Variants in SPG7 observed in about 807,000 individuals in gnomAD.
SPG7 encodes mitochondrial inner membrane m-AAA protease component paraplegin.
Under a neutral mutation model 81.9 loss-of-function variants are expected in SPG7, and 103 were observed. The ratio of observed to expected loss-of-function variants is 1.26; its 90% CI spans 1.07 to 1.48. The LOEUF is 1.48. Among genes scored for constraint, SPG7 ranks in the 40% most tolerant of loss-of-function variants. The probability of loss-of-function intolerance (pLI) is 0.00; values close to 1 mark genes in which losing one functional copy is unlikely to be tolerated. For missense variants in SPG7, 1,241 were observed against 1,087.3 expected (o/e 1.14, Z -1.99); for synonymous variants, 534 against 444.2 (o/e 1.20, Z -2.54).
intron 13 of SPG7, 196 bp from the exon 14 acceptor site, chr16:89,552,783 C>T: frequency 1.6e-6 from 1 of 628,304 alleles, no homozygotes. Context: ...TGTGAACAGG[C>T]ACCTGTGGTG....
chr16:89,517,162 G>T (rs2058108939), intron 3 of SPG7: 1 of 152,382 alleles, frequency 6.6e-6, no homozygotes, highest in South Asian at 2.1e-4. Context: ...GAATTGTGTG[G>T]CCTGTGCGGA....
In SPG7 at chr16:89,544,801, C is replaced by T. The variant is rs771840269; in HGVS notation, c.1449+29C>T. On this transcript the variant is annotated intron_variant, in intron 10 of 16. Coordinates refer to ENST00000645818, the MANE Select transcript of SPG7 (RefSeq NM_003119.4). ...AGAGCCAGGATCCCAGCCTCTCCCA[C>T]TCCACCTGGGCCGCCCCCACTCGCT... 7.4e-6 allele frequency: 12 copies of T among 1,613,278 alleles called. No homozygotes were observed. The South Asian group carries it at 1.1e-4, about 15-fold the overall frequency.
At chr16:89,552,706 C>T (rs566785016) in intron 13 of SPG7, 107 of 479,568 alleles carry the variant, frequency 2.2e-4, no homozygotes, top group African/African-American at 2.0e-3. Flanking sequence ...CAGCTGTCTT[C>T]TACGGGCCTT....
intron 3 of SPG7, among the ~76,000 whole-genome samples, chr16:89,513,773 G>C (rs1055728113): frequency 6.6e-6 from 1 of 152,110 alleles, no homozygotes; most frequent in East Asian, 1.9e-4. Context: ...TAAGATGGAC[G>C]CCCTGCTCAG....
intron 3 of SPG7, chr16:89,518,712 C>T (rs187952247): frequency 2.0e-5 from 3 of 152,098 alleles, no homozygotes; most frequent in African/African-American, 7.2e-5. Context: ...TTTTTTTATA[C>T]AGCATTCTCT....
chr16:89,546,629 G>T (rs462464), intron 10 of SPG7, 29 bp from the exon 11 acceptor site: 7 of 1,512,096 alleles, frequency 4.6e-6, no homozygotes, highest in Non-Finnish European at 3.7e-6. Flanking sequence ...GCTTGAGCCC[G>T]ACTGTCTTTC....
Position 89,554,513 on chromosome 16 carries a change from T to G in SPG7, c.2131T>G (p.Tyr711Asp), listed in dbSNP as rs2058667749. Residue 711 changes from tyrosine (Y) to aspartate (D), a missense_variant, in exon 16 of 17, where the codon TAC becomes GAC. Physicochemically the swap from Tyr to Asp is radical, Grantham distance 160 (BLOSUM62 -3). Transcript: ENST00000645818. ...HEARLLVAKA[Y>D]RHTEKVLQDN... Reference sequence around the variant, plus strand: ...AGCAAGACTGCTGGTGGCCAAGGCCTACAGACACACCGAGAAGGTGCTGCA... The same window carrying G: ...AGCAAGACTGCTGGTGGCCAAGGCCGACAGACACACCGAGAAGGTGCTGCA... 1 of 1,609,556 alleles carries G rather than the reference T, an allele frequency of 6.2e-7. No individual in the cohort carries two copies. Among genetic ancestry groups the G allele is most frequent in the Admixed American group, 1.7e-5 (1 of 60,000 alleles).
chr16:89,557,172 A>G lies in SPG7; in HGVS notation c.*79A>G. 1.9e-6 allele frequency: 2 copies of G among 1,060,240 alleles called. No individual in the cohort carries two copies. Among genetic ancestry groups the G allele is most frequent in the Admixed American group, 3.9e-5 (2 of 51,540 alleles). The allele number at this position is 1,060,240 out of a possible 1,614,324, so 65.7% of individuals were successfully genotyped here. On this transcript the variant is annotated 3_prime_UTR_variant, in exon 17 of 17. Transcript: ENST00000645818. ...GCCACCCTGAGTTGCTTTTCAGCTG[A>G]GGTTTGCACTTCCTCTCGCGGCCCT...
intron 7 of SPG7, chr16:89,531,054 C>T (rs1738320333): frequency 5.0e-6 from 3 of 597,906 alleles, no homozygotes; most frequent in South Asian, 1.9e-5. Context: ...CGTTAGCCGT[C>T]CTGGGCCCTT....
intron 11 of SPG7, 87 bp from the exon 12 acceptor site, chr16:89,547,916 T>G (rs1169643136): frequency 7.9e-6 from 8 of 1,014,798 alleles, no homozygotes; most frequent in African/African-American, 1.6e-5. Flanking sequence ...CCCGGCCATC[T>G]TTGTTCTCCC....
Position 89,526,477 on chromosome 16 carries a change from G to A in SPG7, c.758+9G>A. 1 of 1,614,102 alleles carries A rather than the reference G, an allele frequency of 6.2e-7. No individual in the cohort carries two copies. The highest frequency in any genetic ancestry group is 8.5e-7 in the Non-Finnish European group (1 of 1,180,002). ...ACAGGATTCTTTGGAAAGTATGTTG[G>A]ATGTATTTGTTGATGCTTGAACTAA... On this transcript the variant is annotated intron_variant, in intron 5 of 16. Transcript: ENST00000645818.
rs745726067 is a variant in SPG7 at position 89,524,227 on chromosome 16, G to A, written c.598G>A (p.Ala200Thr). Residue 200 changes from alanine to threonine, a missense_variant, in exon 4 of 17, where the codon GCC (alanine) becomes ACC (threonine). Coordinates refer to ENST00000645818, the MANE Select transcript of SPG7 (RefSeq NM_003119.4). ...GGTGGAAGTCTACCTGCACCCTGGA[G>A]CCGTGGTGTTTGGGCGGCCTGTGAG... ...DVVEVYLHPG[A>T]VVFGRPRLAL... 2.5e-6 allele frequency: 4 copies of A among 1,611,998 alleles called. No individual in the cohort carries two copies. In the East Asian group the frequency reaches 6.7e-5, roughly 27 times the overall value.
At chr16:89,531,814 A>T in intron 7 of SPG7, 90 bp from the exon 8 acceptor site, 1 of 1,376,852 alleles carries the variant, frequency 7.3e-7, no homozygotes, top group Non-Finnish European at 1.0e-6. Context: ...ACTGCACTCC[A>T]GCCTGCGTGA....
At chr16:89,526,179 G>T in intron 4 of SPG7, 150 bp from the exon 5 acceptor site, 2 of 909,744 alleles carry the variant, frequency 2.2e-6, no homozygotes, top group South Asian at 2.7e-5. Context: ...ACCGTCGTAC[G>T]TTAGGAATCA....
intron 16 of SPG7, chr16:89,555,574 C>T (rs182862848): frequency 7.2e-4 from 192 of 267,076 alleles, no homozygotes; most frequent in African/African-American, 3.8e-3. Context: ...TGGGAGTCCA[C>T]ATGGCGTTTG....
chr16:89,524,052 G>T lies in SPG7; in HGVS notation c.423G>T (p.Arg141=), dbSNP rs777943597. The change falls in exon 4 of 17, where the codon CGG becomes CGT. Residue 141 remains arginine, a synonymous_variant. Transcript: ENST00000645818. ...RERDDQMYRE[R]LRTLLVIAVV... ...GGGACGACCAGATGTACCGAGAGCG[G>T]CTGCGCACCTTGCTGGTCATCGCGG... 5.0e-6 allele frequency: 8 copies of T among 1,613,532 alleles called. No homozygotes were observed. The highest frequency in any genetic ancestry group is 5.9e-6 in the Non-Finnish European group (7 of 1,180,048).
intron 1 of SPG7, among the ~76,000 whole-genome samples, chr16:89,509,786 CTTTTT>C (rs34140158): frequency 1.1e-5 from 1 of 95,130 alleles, no homozygotes; most frequent in Non-Finnish European, 2.0e-5. Context: ...TTGTTTTCTT[CTTTTT>C]TTTTTTTTTT....
At position 89,557,649 on chromosome 16, in the gene SPG7, C is replaced by G. The variant is rs973264909; in HGVS notation, c.*556C>G. On this transcript the variant is annotated 3_prime_UTR_variant, in exon 17 of 17. Coordinates refer to ENST00000645818, the MANE Select transcript of SPG7 (RefSeq NM_003119.4). ...CCCCCTGCTGCCATGTGGACTGGTG[C>G]AAGTTGAGGACTTCTTGCTGGTCTA... The G allele has an allele frequency of 6.0e-6, 1 of 166,266 alleles. No homozygotes were observed. Among genetic ancestry groups the G allele is most frequent in the African/African-American group, 2.4e-5 (1 of 41,680 alleles). 10.3% of individuals were successfully genotyped at this position (166,266 alleles called of 1,614,324 possible).
intron 16 of SPG7, chr16:89,554,870 T>C: frequency 3.2e-6 from 1 of 314,432 alleles, no homozygotes; most frequent in Non-Finnish European, 6.0e-6. Flanking sequence ...CACTTTTTTC[T>C]TGAACATTTT....
Sources: allele counts gnomAD v4.1 joint callset (sites outside exome capture counted in the v4.1 genomes callset), GRCh38; gene constraint gnomAD v4.1.1; transcripts MANE v1.5; gene names NCBI Gene and HGNC (gene_info 2026-07-23, HGNC 2026-07-21).